EPB41L4A: variants seen among roughly 807,000 people sequenced by gnomAD.
EPB41L4A encodes the protein band 4.1-like protein 4A.
Under a neutral mutation model 108.6 loss-of-function variants are expected in EPB41L4A, and 100 were observed. That is an observed-to-expected ratio of 0.92 (90% CI 0.78 to 1.09). The LOEUF is 1.09. Among genes scored for constraint, EPB41L4A ranks in the 50% least tolerant of loss-of-function variants. EPB41L4A has a pLI of 0.00. For synonymous variants in EPB41L4A, 319 were observed against 289.0 expected, an observed-to-expected ratio of 1.10 and a Z score of -1.05; for missense variants, 1,030 against 842.7, an observed-to-expected ratio of 1.22 and a Z score of -2.75.
chr5:112,186,783 C>G (rs1441757511), intron 17 of EPB41L4A, among the ~76,000 whole-genome samples: 1 of 152,162 alleles, frequency 6.6e-6, no homozygotes, highest in East Asian at 1.9e-4. Context: ...ATGAAAGTGT[C>G]ATTTCTTCCA....
chr5:112,345,192 T>G (rs996269533), intron 1 of EPB41L4A, among the ~76,000 whole-genome samples: 13 of 152,190 alleles, frequency 8.5e-5, no homozygotes, highest in Non-Finnish European at 1.6e-4. Flanking sequence ...CCCCCAAGCA[T>G]AGATTCTCGA....
At chr5:112,147,190 T>C (rs1390716827) in intron 12 of EPB41L4A, among the ~76,000 whole-genome samples, 6 of 152,218 alleles carry the variant, frequency 3.9e-5, no homozygotes, top group Admixed American at 6.5e-5. Flanking sequence ...TAGCAGTCTA[T>C]TCAGTATCTC....
chr5:112,204,433 G>GC lies in EPB41L4A; in HGVS notation c.1317dup (p.Arg440AlafsTer10), dbSNP rs1554077079. 6.2e-7 allele frequency: 1 copy of GC among 1,613,798 alleles called. No individual in the cohort carries two copies. The highest frequency in any genetic ancestry group is 8.5e-7 in the Non-Finnish European group (1 of 1,179,902). On this transcript the variant is annotated frameshift_variant, in exon 15 of 23. Coordinates refer to ENST00000261486, the MANE Select transcript of EPB41L4A (RefSeq NM_022140.5). LOFTEE classifies it high-confidence loss of function. ...CTTCCACAGGAGGGGTTTCGGCGAC[G>GC]CGTGTAAGGGAACTTTGGCGACTTA...
At chr5:112,283,233 A>G (rs1397497708) in intron 2 of EPB41L4A, among the ~76,000 whole-genome samples, 2 of 152,198 alleles carry the variant, frequency 1.3e-5, no homozygotes, top group African/African-American at 4.8e-5. Context: ...GCTAAGCATC[A>G]CCCTAGAGCC....
intron 1 of EPB41L4A, among the ~76,000 whole-genome samples, chr5:112,371,287 T>C (rs184831835): frequency 1.6e-3 from 245 of 152,294 alleles, no homozygotes; most frequent in Non-Finnish European, 2.9e-3. Flanking sequence ...ATACAAAAGA[T>C]GTGTTAGTTA....
chr5:112,354,406 A>C (rs536845697), intron 1 of EPB41L4A, among the ~76,000 whole-genome samples: 1 of 152,212 alleles, frequency 6.6e-6, no homozygotes, highest in South Asian at 2.1e-4. Context: ...AAAATAAACA[A>C]CCTGGAACAG....
chr5:112,264,968 G>C lies in EPB41L4A; in HGVS notation c.482C>G (p.Ser161Cys). ...DPYKHTAGYV[S>C]EYRFVPDQKE... is the part of the protein sequence containing the mutation. ...CTGATCAGGAACAAACCGGTACTCA[G>C]ATACATATCCTGCAGTATGTTTATA... The change falls in exon 6 of 23, where the codon TCT becomes TGT. Residue 161 changes from serine to cysteine, a missense_variant. By Grantham distance (112) the Ser-to-Cys change is moderately radical. Coordinates refer to ENST00000261486, the MANE Select transcript of EPB41L4A (RefSeq NM_022140.5). 1 of 1,611,178 alleles carries C rather than the reference G, an allele frequency of 6.2e-7. No homozygotes were observed. The highest frequency in any genetic ancestry group is 8.5e-7 in the Non-Finnish European group (1 of 1,178,592).
At chr5:112,413,524 C>T (rs143295487) in intron 1 of EPB41L4A, among the ~76,000 whole-genome samples, 16 of 152,344 alleles carry the variant, frequency 1.1e-4, no homozygotes, top group East Asian at 5.8e-4. Context: ...ACAGCTCTGA[C>T]TCCTGGGGAT....
chr5:112,284,458 C>T (rs1753156646), intron 2 of EPB41L4A, among the ~76,000 whole-genome samples: 1 of 152,036 alleles, frequency 6.6e-6, no homozygotes, highest in Admixed American at 6.6e-5. Context: ...AGAAATAGCC[C>T]TATCTCTCAT....
chr5:112,384,991 T>C (rs181102712), intron 1 of EPB41L4A, among the ~76,000 whole-genome samples: 3 of 152,200 alleles, frequency 2.0e-5, no homozygotes, highest in Admixed American at 2.0e-4. Flanking sequence ...CAGAGGCCCA[T>C]GGCCCCACTT....
At position 112,307,447 on chromosome 5, in the gene EPB41L4A, T is replaced by C. The variant is rs374475208; in HGVS notation, c.143A>G (p.His48Arg). Residue 48 changes from histidine to arginine, a missense_variant, in exon 2 of 23, where the codon CAC becomes CGC. Physicochemically the swap from His to Arg is conservative, Grantham distance 29. Transcript: ENST00000261486. The part of the protein sequence containing the change: ...GSVVLDHVFH[H>R]VNLVEIDYFG... ...ATAATCTATCTCCACAAGGTTTACG[T>C]GATGGAATACGTGGTCAAGGACAAC... The C allele has an allele frequency of 1.2e-6, 2 of 1,613,268 alleles. No homozygotes were observed. The highest frequency in any genetic ancestry group is 1.3e-5 in the African/African-American group (1 of 74,898).
At chr5:112,323,475 G>A (rs1755942184) in intron 1 of EPB41L4A, among the ~76,000 whole-genome samples, 1 of 152,186 alleles carries the variant, frequency 6.6e-6, no homozygotes, top group South Asian at 2.1e-4. Flanking sequence ...AGAAGATGAA[G>A]TTACAAATAA....
chr5:112,282,582 T>A (rs57189754), intron 2 of EPB41L4A, among the ~76,000 whole-genome samples: 1 of 152,128 alleles, frequency 6.6e-6, no homozygotes, highest in Non-Finnish European at 1.5e-5. Context: ...GGAGAGCTGG[T>A]TGGTTAGGGG....
chr5:112,331,968 G>A (rs1288786465), intron 1 of EPB41L4A, among the ~76,000 whole-genome samples: 1 of 152,210 alleles, frequency 6.6e-6, no homozygotes, highest in African/African-American at 2.4e-5. Flanking sequence ...TAGAATCATA[G>A]GAGCATTTCT....
In EPB41L4A at chr5:112,343,121, A is replaced by G. The variant is rs1004384; in HGVS notation, c.100-35631T>C. ...CTTTACAGAGAGGTATACACTTTCCATAACAGTTTTTTACATTAAGGGTTC... is the reference window on the plus strand; with the variant it reads ...CTTTACAGAGAGGTATACACTTTCCGTAACAGTTTTTTACATTAAGGGTTC... On this transcript the variant is annotated intron_variant, in intron 1 of 22. Transcript: ENST00000261486. Among the ~76,000 whole-genome samples, 925 of 152,330 alleles carry G rather than the reference A, an allele frequency of 6.1e-3. 8 individuals are homozygous for G. Among genetic ancestry groups the G allele is most frequent in the South Asian group, 6.8e-3 (33 of 4,830 alleles).
At chr5:112,323,782 G>A (rs1216508876) in intron 1 of EPB41L4A, among the ~76,000 whole-genome samples, 1 of 152,070 alleles carries the variant, frequency 6.6e-6, no homozygotes, top group Non-Finnish European at 1.5e-5. Context: ...CAACCTTTTT[G>A]GGGAATCAGT....
exon 14 of EPB41L4A, chr5:112,143,784 T>A (rs918444982): frequency 4.5e-6 from 2 of 443,764 alleles, no homozygotes; most frequent in East Asian, 7.2e-5. Context: ...CACGTGTTAA[T>A]ACCTGAACCA....
intron 1 of EPB41L4A, among the ~76,000 whole-genome samples, chr5:112,386,838 G>A (rs2112642157): frequency 6.6e-6 from 1 of 152,312 alleles, no homozygotes; most frequent in East Asian, 1.9e-4. Flanking sequence ...TGATTCTCCA[G>A]CAATAAAGGC....
At chr5:112,240,052 G>A (rs1162995617) in intron 10 of EPB41L4A, among the ~76,000 whole-genome samples, 1 of 152,188 alleles carries the variant, frequency 6.6e-6, no homozygotes, top group African/African-American at 2.4e-5. Flanking sequence ...AGTTTCATCT[G>A]ACCGGACCTC....
Sources: gnomAD v4.1 joint callset for allele counts (sites outside exome capture counted in the v4.1 genomes callset) on GRCh38, gnomAD v4.1.1 for gene constraint, MANE v1.5 for transcripts, NCBI Gene and HGNC (gene_info 2026-07-23, HGNC 2026-07-21) for gene names.